Variants in KLHDC10 observed in about 807,000 individuals in gnomAD.
KLHDC10 encodes the protein kelch domain containing 10.
Under a neutral mutation model 56.1 loss-of-function variants are expected in KLHDC10, and 24 were observed. The ratio of observed to expected loss-of-function variants is 0.43; its 90% CI spans 0.31 to 0.60. The LOEUF (loss-of-function observed/expected upper bound fraction) is 0.60. KLHDC10 is among the 20% of genes least tolerant of loss of function. The probability of loss-of-function intolerance (pLI) is 0.11; values close to 1 mark genes in which losing one functional copy is unlikely to be tolerated. For missense variants in KLHDC10, 349 were observed against 567.0 expected, an observed-to-expected ratio of 0.62 and a Z score of 3.91; for synonymous variants, 188 against 207.1, an observed-to-expected ratio of 0.91 and a Z score of 0.79.
chr7:130,100,541 G>T (rs1462276543), intron 2 of KLHDC10, among the ~76,000 whole-genome samples: 2 of 152,166 alleles, frequency 1.3e-5, no homozygotes, highest in Admixed American at 6.5e-5. Flanking sequence ...AAATAGGATG[G>T]GAGTAACATT....
intron 2 of KLHDC10, among the ~76,000 whole-genome samples, chr7:130,110,862 C>T (rs1035335091): frequency 2.6e-5 from 4 of 152,114 alleles, no homozygotes; most frequent in African/African-American, 9.7e-5. Flanking sequence ...AAGTAATAGA[C>T]TTACTAAGCA....
At chr7:130,084,366 G>A (rs1795652567) in intron 1 of KLHDC10, among the ~76,000 whole-genome samples, 3 of 152,178 alleles carry the variant, frequency 2.0e-5, no homozygotes, top group Admixed American at 2.0e-4. Context: ...AGATTGTGGT[G>A]GCTTGGACTA....
At chr7:130,124,845 C>T (rs894953152) in intron 6 of KLHDC10, among the ~76,000 whole-genome samples, 3 of 152,168 alleles carry the variant, frequency 2.0e-5, no homozygotes, top group Non-Finnish European at 4.4e-5. Flanking sequence ...TTGGAACCAG[C>T]ATTATCAGAA....
intron 2 of KLHDC10, among the ~76,000 whole-genome samples, chr7:130,102,668 A>AT (rs1795948545): frequency 6.6e-6 from 1 of 152,142 alleles, no homozygotes; most frequent in East Asian, 1.9e-4. Context: ...TCTACTAAAA[A>AT]TACTAAAGTT....
chr7:130,091,629 C>A (rs1795774333), intron 1 of KLHDC10, among the ~76,000 whole-genome samples: 2 of 152,240 alleles, frequency 1.3e-5, no homozygotes, highest in Admixed American at 1.3e-4. Flanking sequence ...AAGACAGATA[C>A]TTTAATGTTC....
intron 2 of KLHDC10, among the ~76,000 whole-genome samples, chr7:130,105,025 A>C (rs1434833266): frequency 3.3e-5 from 5 of 152,222 alleles, no homozygotes; most frequent in Admixed American, 6.5e-5. Flanking sequence ...CATTGCAATG[A>C]GAGAAATGAA....
chr7:130,125,959 C>A, intron 7 of KLHDC10, 28 bp downstream of exon 7: 1 of 1,421,104 alleles, frequency 7.0e-7, no homozygotes, highest in Non-Finnish European at 9.7e-7. Context: ...ATTAATTTAT[C>A]TTTAACAAAC....
intron 2 of KLHDC10, among the ~76,000 whole-genome samples, chr7:130,107,397 GGA>G (rs1374456605): frequency 6.6e-6 from 1 of 151,846 alleles, no homozygotes; most frequent in African/African-American, 2.4e-5. Context: ...AAAATTGGCT[GGA>G]CAAAATTTAA....
chr7:130,090,502 C>T (rs1795755969), intron 1 of KLHDC10, among the ~76,000 whole-genome samples: 1 of 151,398 alleles, frequency 6.6e-6, no homozygotes, highest in East Asian at 1.9e-4. Context: ...GTAGGAGGAT[C>T]GCCTGAGCCC....
At position 130,120,048 on chromosome 7, in the gene KLHDC10, G is replaced by A. The variant is rs1796228833; in HGVS notation, c.476-701G>A. On this transcript the variant is annotated intron_variant, in intron 3 of 9. Transcript: ENST00000335420. This position sits in a 1 kb window ranked among gnomAD's most constrained non-coding sequence, Gnocchi z 5.1. ...TATTGGTGTGTTTTGTTTTAATCTG[G>A]TAGAGGATTAAAATGACAGAAACCA... Among the ~76,000 whole-genome samples, 1 of 152,132 alleles carries A rather than the reference G, an allele frequency of 6.6e-6. No homozygotes were observed. The highest frequency in any genetic ancestry group is 2.1e-4 in the South Asian group (1 of 4,830).
intron 1 of KLHDC10, among the ~76,000 whole-genome samples, chr7:130,080,388 A>G (rs1188098717): frequency 6.6e-6 from 1 of 151,882 alleles, no homozygotes; most frequent in Non-Finnish European, 1.5e-5. Context: ...TTGTCCAATT[A>G]TATCATACTT....
At chr7:130,101,882 A>G (rs1795935042) in intron 2 of KLHDC10, among the ~76,000 whole-genome samples, 1 of 149,054 alleles carries the variant, frequency 6.7e-6, no homozygotes, top group Admixed American at 6.8e-5. Context: ...AGGCAGGAGA[A>G]TGGCATGAAC....
At position 130,116,498 on chromosome 7, in the gene KLHDC10, A is replaced by C; in HGVS notation, c.307A>C (p.Asn103His). The C allele has an allele frequency of 3.1e-6, 5 of 1,614,170 alleles. No individual in the cohort carries two copies. Among genetic ancestry groups the C allele is most frequent in the Non-Finnish European group, 4.2e-6 (5 of 1,180,028 alleles). ...SGHRCVADNT[N>H]LYVFGGYNPD... ...ACATCGTTGTGTGGCAGATAATACC[A>C]ACCTATATGTGTTTGGAGGTTATAA... The change falls in exon 3 of 10, where the codon AAC (asparagine) becomes CAC (histidine). Residue 103 changes from asparagine (N) to histidine (H), a missense_variant. Physicochemically the swap from Asn to His is moderately conservative, Grantham distance 68. Around this residue, in one of 2 missense-constraint regions of KLHDC10, gnomAD observed 245 missense variants for 470.1 expected, o/e 0.52. Coordinates refer to ENST00000335420, the MANE Select transcript of KLHDC10 (RefSeq NM_014997.4). The surrounding 1 kb of genome is among the most constrained non-coding windows in gnomAD (Gnocchi z 4.8).
At chr7:130,086,238 A>G (rs1335439157) in intron 1 of KLHDC10, among the ~76,000 whole-genome samples, 2 of 151,964 alleles carry the variant, frequency 1.3e-5, no homozygotes, top group Admixed American at 6.6e-5. Context: ...GGTTTTGAAC[A>G]CTCTGTATCA....
chr7:130,087,640 CAATT>C (rs1176866507), intron 1 of KLHDC10, among the ~76,000 whole-genome samples: 1 of 151,978 alleles, frequency 6.6e-6, no homozygotes, highest in Non-Finnish European at 1.5e-5. Flanking sequence ...ACTGTCAACT[CAATT>C]AATTTCAATC....
intron 2 of KLHDC10, among the ~76,000 whole-genome samples, chr7:130,115,714 C>A (rs1403648997): frequency 0.017 from 1,731 of 100,106 alleles, no homozygotes; most frequent in South Asian, 0.021. Flanking sequence ...GACTTGGTCT[C>A]AAAAAAAAAA....
chr7:130,102,168 A>G (rs929562659), intron 2 of KLHDC10, among the ~76,000 whole-genome samples: 5 of 152,122 alleles, frequency 3.3e-5, no homozygotes, highest in Admixed American at 1.3e-4. Context: ...AATAAGGTCA[A>G]ACTGCTTTCT....
chr7:130,100,681 T>C (rs879409107), intron 2 of KLHDC10, among the ~76,000 whole-genome samples: 2 of 152,214 alleles, frequency 1.3e-5, no homozygotes. Context: ...TTTTAACTTA[T>C]CTATACTTTT....
rs530683681 is a variant in KLHDC10 at position 130,133,223 on chromosome 7, G to T, written c.*2477G>T. The T allele has an allele frequency of 7.2e-5, 11 of 152,252 alleles. No homozygotes were observed. Among genetic ancestry groups the T allele is most frequent in the African/African-American group, 2.2e-4 (9 of 41,534 alleles). 9.4% of individuals were successfully genotyped at this position (152,252 alleles called of 1,614,324 possible). ...GTAAATGACTAAGTGTAGATAACTA[G>T]AAATTAGATAGGGGTCATCAGGCGT... On this transcript the variant is annotated 3_prime_UTR_variant, in exon 10 of 10. Transcript: ENST00000335420.
Sources: allele counts gnomAD v4.1 joint callset (sites outside exome capture counted in the v4.1 genomes callset), GRCh38; gene constraint gnomAD v4.1.1; regional missense constraint gnomAD v4.1.1; non-coding constraint Gnocchi (gnomAD v3.1); transcripts MANE v1.5; gene names NCBI Gene and HGNC (gene_info 2026-07-23, HGNC 2026-07-21).